The following INPP1 variants were observed in gnomAD, a reference collection of about 807,000 sequenced individuals.
INPP1 encodes inositol polyphosphate 1-phosphatase.
INPP1 carries 18 observed loss-of-function variants against 23.0 expected under a neutral mutation model. The ratio of observed to expected loss-of-function variants is 0.78; its 90% CI spans 0.54 to 1.16. The LOEUF is 1.16. Among genes scored for constraint, INPP1 ranks in the 50% most tolerant of loss-of-function variants. The pLI is 0.00. For synonymous variants in INPP1, 164 were observed against 176.3 expected (o/e 0.93, Z 0.55); for missense variants, 448 against 482.1 (o/e 0.93, Z 0.66).
intron 2 of INPP1, chr2:190,359,818 A>G (rs879759221): frequency 9.8e-5 from 32 of 326,406 alleles, no homozygotes; most frequent in Non-Finnish European, 1.6e-4. Flanking sequence ...AATTCTTGGT[A>G]TATTTTTGAG....
At chr2:190,369,693 A>T (rs1285753097) in intron 6 of INPP1, among the ~76,000 whole-genome samples, 2 of 152,196 alleles carry the variant, frequency 1.3e-5, no homozygotes, top group Non-Finnish European at 2.9e-5. Context: ...AAATGTGAAA[A>T]TTATCCAATG....
chr2:190,366,603 C>T (rs1689680882), intron 4 of INPP1, 92 bp from the exon 5 acceptor site: 2 of 909,564 alleles, frequency 2.2e-6, no homozygotes. Flanking sequence ...CTCTCGCTCT[C>T]TCTGTCTCTC....
intron 4 of INPP1, 60 bp downstream of exon 4, chr2:190,362,747 C>G: frequency 1.8e-6 from 2 of 1,103,132 alleles, no homozygotes; most frequent in Non-Finnish European, 2.7e-6. Context: ...ATTCTAGTCT[C>G]TAGTTTATAC....
In INPP1 at chr2:190,348,930, T is replaced by C. The variant is rs942563254; in HGVS notation, c.-166T>C. 5 of 152,214 alleles carry C rather than the reference T, an allele frequency of 3.3e-5. No individual in the cohort carries two copies. Among genetic ancestry groups the C allele is most frequent in the Admixed American group, 6.5e-5 (1 of 15,276 alleles). 9.4% of individuals were successfully genotyped at this position (152,214 alleles called of 1,614,324 possible). A position where few individuals can be genotyped will look rare whatever the true frequency, so the allele number is the denominator to read the frequency against. ...CATGTGGCCGAGTTTATATACCTGA[T>C]TGGCAAAACAGAGCCTAAGAACCAG... On this transcript the variant is annotated 5_prime_UTR_variant, in exon 2 of 7. Transcript: ENST00000392329.
At chr2:190,361,373 T>C (rs1465953109) in intron 3 of INPP1, among the ~76,000 whole-genome samples, 1 of 151,942 alleles carries the variant, frequency 6.6e-6, no homozygotes, top group Non-Finnish European at 1.5e-5. Flanking sequence ...GAGAATCATT[T>C]AGAATCGTTT....
rs1384864096 is a variant in INPP1, at chr2:190,363,234, G to GGTTT, written c.265+560_265+563dup. ...GATTCCTTTTAGTACTAAGTTTTTT[G>GGTTT]GTTTGTTTGTTTGTTTTTGAGACAG... On this transcript the variant is annotated intron_variant, in intron 4 of 6. Transcript: ENST00000392329. The surrounding 1 kb of genome is among the most constrained non-coding windows in gnomAD (Gnocchi z 4.4). Among the ~76,000 whole-genome samples the GGTTT allele has an allele frequency of 1.3e-5, 2 of 152,020 alleles. No homozygotes were observed. Among genetic ancestry groups the GGTTT allele is most frequent in the Non-Finnish European group, 2.9e-5 (2 of 67,994 alleles).
In INPP1 at chr2:190,356,622, TTAGCTCGCC is replaced by T. The variant is rs1481965050; in HGVS notation, c.-64-3415_-64-3407del. 2 of 152,160 alleles carry T rather than the reference TTAGCTCGCC, an allele frequency of 1.3e-5. No homozygotes were observed. The highest frequency in any genetic ancestry group is 4.8e-5 in the African/African-American group (2 of 41,426). 9.4% of individuals were successfully genotyped at this position (152,160 alleles called of 1,614,324 possible). ...TTTCCGGAGCTTGTAGCCAGGGTGA[TTAGCTCGCC>T]TGAGTGTTATTAGGGTGTTATAAGG... On this transcript the variant is annotated intron_variant, in intron 2 of 6. Coordinates refer to ENST00000392329, the MANE Select transcript of INPP1 (RefSeq NM_001128928.2). This position sits in a 1 kb window ranked among gnomAD's most constrained non-coding sequence, Gnocchi z 6.4.
Position 190,370,950 on chromosome 2 carries a change from A to C in INPP1, c.748A>C (p.Thr250Pro). ...CGGCAGTGAAACACACACTGGAAACACCGGCTCTGAGGCAGCATTCTCCCC... is the reference window on the plus strand; with the variant it reads ...CGGCAGTGAAACACACACTGGAAACCCCGGCTCTGAGGCAGCATTCTCCCC... Reference protein sequence around the residue: ...RNGSETHTGNTGSEAAFSPSF... With the variant: ...RNGSETHTGNPGSEAAFSPSF... The change falls in exon 7 of 7, where the codon ACC (threonine) becomes CCC (proline). Residue 250 changes from threonine (T) to proline (P), a missense_variant. Thr to Pro is a conservative substitution (Grantham distance 38). Coordinates refer to ENST00000392329, the MANE Select transcript of INPP1 (RefSeq NM_001128928.2). The C allele has an allele frequency of 6.2e-7, 1 of 1,614,214 alleles. No individual in the cohort carries two copies. Among genetic ancestry groups the C allele is most frequent in the Non-Finnish European group, 8.5e-7 (1 of 1,180,036 alleles).
chr2:190,351,642 G>A (rs1172942848), intron 2 of INPP1, among the ~76,000 whole-genome samples: 2 of 152,148 alleles, frequency 1.3e-5, no homozygotes, highest in Non-Finnish European at 2.9e-5. Flanking sequence ...GCCTATTGTC[G>A]CAATTCATTC....
At chr2:190,362,769 T>G (rs923728881) in intron 4 of INPP1, 82 bp downstream of exon 4, 2 of 841,058 alleles carry the variant, frequency 2.4e-6, no homozygotes, top group South Asian at 4.0e-5. Context: ...ATGAACTAAA[T>G]GTTTGGAAGC....
intron 1 of INPP1, 61 bp from the exon 2 acceptor site, chr2:190,348,827 C>T (rs1689272424): frequency 6.6e-6 from 1 of 152,218 alleles, no homozygotes; most frequent in Admixed American, 6.5e-5. Context: ...ATCATCCAAT[C>T]CAACCTCTCT....
At position 190,362,660 on chromosome 2, in the gene INPP1, G is replaced by T. The variant is rs376870795; in HGVS notation, c.238G>T (p.Glu80Ter). The change falls in exon 4 of 7, where the codon GAA (glutamate) becomes TAA (stop). Residue 80 changes from glutamate (E) to a stop codon, truncating the protein, a stop_gained. Coordinates refer to ENST00000392329, the MANE Select transcript of INPP1 (RefSeq NM_001128928.2). LOFTEE classifies it high-confidence loss of function. ...PGLEKNIFGE[E>*]SNEFTNDWGE... ...CTTGGAAAAAAATATTTTTGGAGAA[G>T]AATCCAATGAGTTTACTAATGACTG... 2.5e-6 allele frequency: 4 copies of T among 1,606,524 alleles called. No individual in the cohort carries two copies. In the African/African-American group the frequency reaches 5.4e-5, roughly 22 times the overall value.
intron 4 of INPP1, among the ~76,000 whole-genome samples, chr2:190,364,403 G>A (rs896240172): frequency 5.9e-5 from 9 of 151,860 alleles, no homozygotes; most frequent in African/African-American, 1.7e-4. Context: ...TTAGCCGGGC[G>A]TGGTGGCGGG....
At chr2:190,350,200 G>C (rs1689299111) in intron 2 of INPP1, among the ~76,000 whole-genome samples, 1 of 152,204 alleles carries the variant, frequency 6.6e-6, no homozygotes, top group Non-Finnish European at 1.5e-5. Context: ...GATGAGTTCT[G>C]AGAAGTATCC....
rs921636725 is a variant in INPP1 at position 190,346,652 on chromosome 2, C to T, written c.-208-2236C>T. ...TGAGAAAAGGTCACACTCTGTCATC[C>T]AGGCTGGAGTACAGTGGTGTGATCA... On this transcript the variant is annotated intron_variant, in intron 1 of 6. Coordinates refer to ENST00000392329, the MANE Select transcript of INPP1 (RefSeq NM_001128928.2). The surrounding 1 kb of genome is among the most constrained non-coding windows in gnomAD (Gnocchi z 5.1). 1.3e-5 allele frequency among the ~76,000 whole-genome samples: 2 copies of T among 152,020 alleles called. No homozygotes were observed. The highest frequency in any genetic ancestry group is 4.8e-5 in the African/African-American group (2 of 41,378).
intron 4 of INPP1, 69 bp from the exon 5 acceptor site, chr2:190,366,624 GCT>G (rs1405909110): frequency 8.9e-5 from 95 of 1,061,880 alleles, no homozygotes; most frequent in Middle Eastern, 2.1e-4. Context: ...TCACTCTTTA[GCT>G]CTCTCTCTCT....
At position 190,355,155 on chromosome 2, in the gene INPP1, G is replaced by A. The variant is rs1308041861; in HGVS notation, c.-64-4884G>A. Among the ~76,000 whole-genome samples the A allele has an allele frequency of 6.6e-6, 1 of 152,106 alleles. No individual in the cohort carries two copies. Among genetic ancestry groups the A allele is most frequent in the African/African-American group, 2.4e-5 (1 of 41,412 alleles). On this transcript the variant is annotated intron_variant, in intron 2 of 6. Coordinates refer to ENST00000392329, the MANE Select transcript of INPP1 (RefSeq NM_001128928.2). The surrounding 1 kb of genome is among the most constrained non-coding windows in gnomAD (Gnocchi z 5.1). ...CAACTTCCTAGCTCTGTGATTTTCA[G>A]TAAACAATCTCCTTGTGCCTCAGGT...
chr2:190,369,110 T>C lies in INPP1; in HGVS notation c.474T>C (p.Thr158=), dbSNP rs1689746794. The change falls in exon 6 of 7, where the codon ACT becomes ACC. Residue 158 remains threonine (T), a synonymous_variant. Coordinates refer to ENST00000392329, the MANE Select transcript of INPP1 (RefSeq NM_001128928.2). ...LGIWVDPIDS[T]YQYIKGSADI... is the part of the protein sequence containing the mutation. ...ATTTGTTTCCTTTTTCAGATTCAAC[T>C]TATCAGTATATAAAAGGTTCTGCTG... 6.4e-7 allele frequency: 1 copy of C among 1,567,336 alleles called. No homozygotes were observed. Among genetic ancestry groups the C allele is most frequent in the Non-Finnish European group, 8.7e-7 (1 of 1,150,242 alleles).
intron 3 of INPP1, among the ~76,000 whole-genome samples, chr2:190,360,678 G>A (rs1689518055): frequency 6.6e-6 from 1 of 152,102 alleles, no homozygotes; most frequent in Admixed American, 6.5e-5. Flanking sequence ...GAAAACCACA[G>A]CTATGCTTTG....
Sources: gnomAD v4.1 joint callset for allele counts (sites outside exome capture counted in the v4.1 genomes callset) on GRCh38, gnomAD v4.1.1 for gene constraint, Gnocchi (gnomAD v3.1) non-coding constraint, MANE v1.5 for transcripts, NCBI Gene and HGNC (gene_info 2026-07-23, HGNC 2026-07-21) for gene names.